Variants in MED13L observed in about 807,000 individuals in gnomAD.
The protein encoded by MED13L is mediator of RNA polymerase II transcription subunit 13-like.
MED13L carries 7 observed loss-of-function variants against 220.9 expected under a neutral mutation model. That is an observed-to-expected ratio of 0.03 (90% CI 0.02 to 0.06). The LOEUF (loss-of-function observed/expected upper bound fraction) is 0.06, where lower values mean the gene tolerates loss of function less well. Among genes scored for constraint, MED13L ranks in the 10% least tolerant of loss-of-function variants. The pLI is 1.00. For synonymous variants in MED13L, 1,011 were observed against 1,015.2 expected (o/e 1.00, Z 0.08); for missense variants, 1,965 against 2,760.5 (o/e 0.71, Z 6.46).
intron 22 of MED13L, 67 bp downstream of exon 22, chr12:115,982,317 T>C: frequency 6.8e-7 from 1 of 1,472,488 alleles, no homozygotes; most frequent in Non-Finnish European, 9.5e-7. Context: ...ATCATAGGCC[T>C]GTATTTATTT....
intron 2 of MED13L, among the ~76,000 whole-genome samples, chr12:116,111,957 G>T (rs1874127436): frequency 1.3e-5 from 2 of 152,160 alleles, no homozygotes; most frequent in South Asian, 4.1e-4. Context: ...AAAAGTGTGA[G>T]ATTTACACAA....
intron 2 of MED13L, among the ~76,000 whole-genome samples, chr12:116,161,171 A>G (rs892814710): frequency 6.6e-6 from 1 of 152,102 alleles, no homozygotes; most frequent in Admixed American, 6.6e-5. Context: ...CAGACCCGTC[A>G]TGACCGAATC....
At position 116,038,744 on chromosome 12, in the gene MED13L, C is replaced by CAAAAAAAAAAAAAAA. The variant is rs63703461; in HGVS notation, c.480-16158_480-16144dup. 8.6e-4 allele frequency among the ~76,000 whole-genome samples: 65 copies of CAAAAAAAAAAAAAAA among 75,252 alleles called. 4 individuals carry two copies. The highest frequency in any genetic ancestry group is 3.5e-3 in the African/African-American group (58 of 16,640). 49.4% of individuals were successfully genotyped at this position (75,252 alleles called of 152,430 possible). On this transcript the variant is annotated intron_variant, in intron 4 of 30. Coordinates refer to ENST00000281928, the MANE Select transcript of MED13L (RefSeq NM_015335.5). Reference sequence around the variant, plus strand: ...GACTTTACCTATGCGGTCAAAAGGCCAAAAAAAAAAAAAAAAAAAAAAAAA... The same window carrying CAAAAAAAAAAAAAAA: ...GACTTTACCTATGCGGTCAAAAGGCCAAAAAAAAAAAAAAAAAAAAAAAAAAAAAAAAAAAAAAAA...
At chr12:116,269,812 A>T (rs192067205) in intron 1 of MED13L, among the ~76,000 whole-genome samples, 4 of 152,358 alleles carry the variant, frequency 2.6e-5, no homozygotes, top group Admixed American at 2.6e-4. Flanking sequence ...ACCACAATTC[A>T]TCTAGAATGA....
intron 4 of MED13L, among the ~76,000 whole-genome samples, chr12:116,046,998 T>C (rs185097609): frequency 7.5e-4 from 114 of 151,584 alleles, no homozygotes; most frequent in South Asian, 6.1e-3. Flanking sequence ...AGAAAGAAAA[T>C]GTCTTCATTT....
chr12:116,008,171 G>A, intron 10 of MED13L: 1 of 547,142 alleles, frequency 1.8e-6, no homozygotes, highest in Non-Finnish European at 3.1e-6. Flanking sequence ...TATTTGGAGT[G>A]TACTTAAATG....
chr12:115,997,101 C>T lies in MED13L; in HGVS notation c.2699G>A (p.Ser900Asn). The change falls in exon 15 of 31, where the codon AGC becomes AAC. Residue 900 changes from serine (S) to asparagine (N), a missense_variant. Physicochemically the swap from Ser to Asn is conservative, Grantham distance 46. This residue lies in a region of MED13L where 233 missense variants were observed against 306.2 expected (regional missense o/e 0.76). Transcript: ENST00000281928. ...ETVTALGMME[S>N]PMVSMVSTQL... Reference sequence around the variant, plus strand: ...TGTTGAAACCATACTGACCATAGGGCTCTCCATCATGCCTAATGCTGTCAC... The same window carrying T: ...TGTTGAAACCATACTGACCATAGGGTTCTCCATCATGCCTAATGCTGTCAC... The T allele has an allele frequency of 6.2e-7, 1 of 1,614,112 alleles. No homozygotes were observed. Among genetic ancestry groups the T allele is most frequent in the East Asian group, 2.2e-5 (1 of 44,884 alleles).
At chr12:116,169,188 G>C (rs1879500411) in intron 2 of MED13L, 1 of 153,942 alleles carries the variant, frequency 6.5e-6, no homozygotes, top group Admixed American at 6.5e-5. Flanking sequence ...ATGGCAACTA[G>C]TGGACAACAC....
chr12:115,976,120 A>G (rs1876920888), intron 23 of MED13L, among the ~76,000 whole-genome samples: 1 of 152,196 alleles, frequency 6.6e-6, no homozygotes, highest in Non-Finnish European at 1.5e-5. Flanking sequence ...GAGCAACAAG[A>G]ATTTTTATAC....
chr12:116,156,517 T>C (rs1050336152), intron 2 of MED13L, among the ~76,000 whole-genome samples: 1 of 151,948 alleles, frequency 6.6e-6, no homozygotes, highest in Non-Finnish European at 1.5e-5. Flanking sequence ...AAGGAAAAGA[T>C]GTTGCACATT....
chr12:116,240,676 A>G (rs1295575481), intron 1 of MED13L, among the ~76,000 whole-genome samples: 1 of 151,632 alleles, frequency 6.6e-6, no homozygotes, highest in Admixed American at 6.6e-5. Flanking sequence ...GGGACTGACT[A>G]CAGGCGCCCG....
chr12:116,131,374 T>G (rs1048900148), intron 2 of MED13L, among the ~76,000 whole-genome samples: 7 of 152,140 alleles, frequency 4.6e-5, no homozygotes, highest in African/African-American at 1.7e-4. Context: ...GTTCACCAGG[T>G]TGCACAGCAA....
At chr12:116,091,722 A>G (rs1251370428) in intron 4 of MED13L, among the ~76,000 whole-genome samples, 2 of 152,234 alleles carry the variant, frequency 1.3e-5, no homozygotes, top group Non-Finnish European at 2.9e-5. Context: ...GAAACTGCCA[A>G]TGTTATAGTC....
intron 4 of MED13L, among the ~76,000 whole-genome samples, chr12:116,045,443 T>C (rs927114695): frequency 1.3e-5 from 2 of 152,162 alleles, no homozygotes; most frequent in Admixed American, 6.6e-5. Flanking sequence ...ACTCGGCTTC[T>C]AGATGGGGGT....
At chr12:116,088,017 G>T (rs1264964905) in intron 4 of MED13L, among the ~76,000 whole-genome samples, 1 of 152,034 alleles carries the variant, frequency 6.6e-6, no homozygotes, top group Non-Finnish European at 1.5e-5. Flanking sequence ...TATAAATTAT[G>T]AAGAAGATAT....
chr12:116,155,524 A>C (rs2138111174), intron 2 of MED13L, among the ~76,000 whole-genome samples: 1 of 152,324 alleles, frequency 6.6e-6, no homozygotes, highest in South Asian at 2.1e-4. Flanking sequence ...TTGACAGAGC[A>C]AACATACCAC....
In MED13L at chr12:115,972,159, T is replaced by G. The variant is rs143602183; in HGVS notation, c.5809A>C (p.Ile1937Leu). ...KLKDVCRMCG[I>L]SAADSPSILS... ...ATAGAAGGAGAGTCTGCGGCAGAGA[T>G]TCCACACATCCGGCACACATCCTTG... Residue 1937 changes from isoleucine (I) to leucine (L), a missense_variant, in exon 26 of 31, where the codon ATC (isoleucine) becomes CTC (leucine). Transcript: ENST00000281928. 6.8e-5 allele frequency: 109 copies of G among 1,613,886 alleles called. No individual in the cohort carries two copies. In the African/African-American group the frequency reaches 1.3e-3, roughly 19 times the overall value.
chr12:116,223,629 G>A (rs552501101), intron 2 of MED13L, among the ~76,000 whole-genome samples: 21 of 152,210 alleles, frequency 1.4e-4, no homozygotes, highest in South Asian at 2.1e-4. Context: ...ACCTGAACCC[G>A]GGAGGTGGAG....
intron 2 of MED13L, among the ~76,000 whole-genome samples, chr12:116,220,009 C>A (rs919505011): frequency 6.6e-6 from 1 of 151,988 alleles, no homozygotes; most frequent in African/African-American, 2.4e-5. Flanking sequence ...CTTGGCCAGG[C>A]TGGTCTTGAA....
Sources: allele counts gnomAD v4.1 joint callset (sites outside exome capture counted in the v4.1 genomes callset), GRCh38; gene constraint gnomAD v4.1.1; regional missense constraint gnomAD v4.1.1; transcripts MANE v1.5; gene names NCBI Gene and HGNC (gene_info 2026-07-23, HGNC 2026-07-21).